IL27RA: variants seen among roughly 807,000 people sequenced by gnomAD.
IL27RA encodes the protein interleukin 27 receptor subunit alpha.
In IL27RA, 61 loss-of-function variants were observed where a neutral mutation model predicts 80.8. The observed-to-expected ratio is 0.76, with a 90% CI of 0.61 to 0.93. The LOEUF is 0.93. IL27RA is among the 40% of genes least tolerant of loss of function. IL27RA has a pLI of 0.00. For missense variants in IL27RA, 735 were observed against 808.1 expected (o/e 0.91, Z 1.10); for synonymous variants, 316 against 332.5 (o/e 0.95, Z 0.54).
intron 4 of IL27RA, among the ~76,000 whole-genome samples, chr19:14,040,278 C>T (rs1252378652): frequency 6.6e-6 from 1 of 151,936 alleles, no homozygotes; most frequent in Non-Finnish European, 1.5e-5. Flanking sequence ...AGGGGAATCA[C>T]TGGAACCCGA....
intron 2 of IL27RA, among the ~76,000 whole-genome samples, chr19:14,033,080 A>G (rs893792112): frequency 2.7e-5 from 4 of 147,040 alleles, no homozygotes; most frequent in African/African-American, 7.6e-5. Flanking sequence ...TCAGAGTTTT[A>G]GAGAGCCCGT....
intron 6 of IL27RA, among the ~76,000 whole-genome samples, chr19:14,043,548 C>G (rs1209331342): frequency 6.6e-6 from 1 of 151,108 alleles, no homozygotes; most frequent in Admixed American, 6.6e-5. Flanking sequence ...CTCAGCCTCC[C>G]AAGTAGCTGG....
chr19:14,052,930 AAC>A lies in IL27RA; in HGVS notation c.*643_*644del, dbSNP rs1411312781. 6.6e-6 allele frequency: 1 copy of A among 152,062 alleles called. No individual in the cohort carries two copies. Among genetic ancestry groups the A allele is most frequent in the Admixed American group, 6.6e-5 (1 of 15,266 alleles). The allele number at this position is 152,062 out of a possible 1,614,324, so 9.4% of individuals were successfully genotyped here. A position where few individuals can be genotyped will look rare whatever the true frequency, so the allele number is the denominator to read the frequency against. Reference sequence around the variant, plus strand: ...AAAAAAAAAAAAAAAGAAAAGAAAAAACACTGCATTTGGGCACCATCTCAGCT... The same window carrying A: ...AAAAAAAAAAAAAAAGAAAAGAAAAAACTGCATTTGGGCACCATCTCAGCT... On this transcript the variant is annotated 3_prime_UTR_variant, in exon 14 of 14. Coordinates refer to ENST00000263379, the MANE Select transcript of IL27RA (RefSeq NM_004843.4).
Position 14,031,820 on chromosome 19 carries a change from G to C in IL27RA, c.-53G>C. 6.9e-7 allele frequency: 1 copy of C among 1,452,088 alleles called. No individual in the cohort carries two copies. Among genetic ancestry groups the C allele is most frequent in the Middle Eastern group, 2.3e-4 (1 of 4,388 alleles). The allele number at this position is 1,452,088 out of a possible 1,614,324, so 90.0% of individuals were successfully genotyped here. A position where few individuals can be genotyped will look rare whatever the true frequency, so the allele number is the denominator to read the frequency against. ...CCCAGAGCTCGAAGAGGAGCAGCGCGGCCGCGCGGACCCGGCAAGGCTGGG... is the reference window on the plus strand; with the variant it reads ...CCCAGAGCTCGAAGAGGAGCAGCGCCGCCGCGCGGACCCGGCAAGGCTGGG... On this transcript the variant is annotated 5_prime_UTR_variant, in exon 1 of 14. Transcript: ENST00000263379.
rs765838551 is a variant in IL27RA at position 14,039,507 on chromosome 19, G to A, written c.219-1G>A. 3 of 1,611,500 alleles carry A rather than the reference G, an allele frequency of 1.9e-6. No homozygotes were observed. Among genetic ancestry groups the A allele is most frequent in the South Asian group, 1.1e-5 (1 of 90,670 alleles). On this transcript the variant is annotated splice_acceptor_variant, in intron 2 of 13. Coordinates refer to ENST00000263379, the MANE Select transcript of IL27RA (RefSeq NM_004843.4). LOFTEE classifies it high-confidence loss of function. ...TCTCATCCCCGCCTCTCTCCTCACA[G>A]CCGTTCCAACAAAACCCAGACTGTG...
chr19:14,038,906 G>C (rs1479696005), intron 2 of IL27RA, among the ~76,000 whole-genome samples: 1 of 150,284 alleles, frequency 6.7e-6, no homozygotes, highest in African/African-American at 2.5e-5. Flanking sequence ...AAAAGAGAGA[G>C]AGAAAGCAAG....
At chr19:14,047,652 T>C (rs1372824972) in intron 8 of IL27RA, among the ~76,000 whole-genome samples, 1 of 140,766 alleles carries the variant, frequency 7.1e-6, no homozygotes, top group African/African-American at 2.7e-5. Flanking sequence ...CCACCATGCC[T>C]GGCCCTTTTT....
intron 2 of IL27RA, among the ~76,000 whole-genome samples, chr19:14,038,536 C>T (rs1975938280): frequency 7.0e-6 from 1 of 143,260 alleles, no homozygotes; most frequent in Admixed American, 7.2e-5. Context: ...TATGATCGCA[C>T]TGCTCCAGTT....
At chr19:14,036,613 C>T (rs1030433153) in intron 2 of IL27RA, among the ~76,000 whole-genome samples, 4 of 149,376 alleles carry the variant, frequency 2.7e-5, no homozygotes, top group African/African-American at 9.9e-5. Context: ...CTCAGCCTCC[C>T]GAGTAGCTGA....
At chr19:14,032,602 A>G (rs1975835718) in intron 2 of IL27RA, 99 bp downstream of exon 2, 7 of 596,474 alleles carry the variant, frequency 1.2e-5, no homozygotes, top group African/African-American at 2.0e-5. Flanking sequence ...AAGCCTGGCC[A>G]ACATGGTGAA....
intron 10 of IL27RA, among the ~76,000 whole-genome samples, chr19:14,049,800 G>A (rs755128705): frequency 9.2e-5 from 14 of 151,660 alleles, no homozygotes; most frequent in Non-Finnish European, 1.6e-4. Context: ...GACTGATCTC[G>A]AACTCCTGAC....
intron 8 of IL27RA, among the ~76,000 whole-genome samples, chr19:14,048,285 TAAA>T (rs776089748): frequency 0.14 from 20,640 of 149,844 alleles, 1,554 homozygotes; most frequent in East Asian, 0.27. Flanking sequence ...AATAAATAAA[TAAA>T]TAAATTAATT....
intron 4 of IL27RA, among the ~76,000 whole-genome samples, chr19:14,041,710 A>G (rs1173585152): frequency 1.3e-5 from 2 of 152,174 alleles, no homozygotes; most frequent in Non-Finnish European, 2.9e-5. Context: ...TTTTTTTGAC[A>G]GGCCCATGTT....
At chr19:14,044,655 C>T (rs1976037922) in intron 6 of IL27RA, among the ~76,000 whole-genome samples, 1 of 151,792 alleles carries the variant, frequency 6.6e-6, no homozygotes, top group Admixed American at 6.6e-5. Context: ...GGTAGGGTCA[C>T]ACAGGTGCAG....
intron 4 of IL27RA, among the ~76,000 whole-genome samples, chr19:14,040,126 G>A (rs1157674336): frequency 6.6e-6 from 1 of 152,088 alleles, no homozygotes; most frequent in Non-Finnish European, 1.5e-5. Context: ...CACTTTGGGA[G>A]GCTGAGGGGG....
In IL27RA at chr19:14,031,975, G is replaced by T; in HGVS notation, c.100+3G>T. 2 of 1,606,736 alleles carry T rather than the reference G, an allele frequency of 1.2e-6. No individual in the cohort carries two copies. Among genetic ancestry groups the T allele is most frequent in the Non-Finnish European group, 1.7e-6 (2 of 1,176,294 alleles). ...TTTCCAGCGGACGCGTCCCCAGGGT[G>T]AGTGCTGGAGGGAGCTCGTGTCCCG... On this transcript the variant is annotated splice_donor_region_variant and intron_variant, in intron 1 of 13. Transcript: ENST00000263379.
rs1976166871 is a variant in IL27RA, at chr19:14,051,656, C to T, written c.1578C>T (p.Gly526=). ...KVLPGILFLW[G]LFLLGCGLSL... ...TGCCGGGCATCCTATTCTTGTGGGGCTTGTTCCTGTTGGGGTGTGGCCTGA... is the reference window on the plus strand; with the variant it reads ...TGCCGGGCATCCTATTCTTGTGGGGTTTGTTCCTGTTGGGGTGTGGCCTGA... Residue 526 remains glycine, a synonymous_variant, in exon 12 of 14, where the codon GGC becomes GGT. Coordinates refer to ENST00000263379, the MANE Select transcript of IL27RA (RefSeq NM_004843.4). 4.3e-6 allele frequency: 7 copies of T among 1,613,318 alleles called. No individual in the cohort carries two copies. The East Asian group carries it at 8.9e-5, about 21-fold the overall frequency.
chr19:14,046,091 G>A, intron 6 of IL27RA, 63 bp from the exon 7 acceptor site: 2 of 1,480,448 alleles, frequency 1.4e-6, no homozygotes, highest in South Asian at 2.5e-5. Flanking sequence ...GTGACCTCAG[G>A]GAGACACATA....
At position 14,031,919 on chromosome 19, in the gene IL27RA, A is replaced by G. The variant is rs765266274; in HGVS notation, c.47A>G (p.Lys16Arg). ...GAPFWLWPLP[K>R]LALLPLLWVL... ...CCTTTCTGGCTGTGGCCGCTGCCCA[A>G]GCTGGCGCTGCTGCCTCTGTTGTGG... Residue 16 changes from lysine to arginine, a missense_variant, in exon 1 of 14, where the codon AAG becomes AGG. By Grantham distance (26) the Lys-to-Arg change is conservative. Coordinates refer to ENST00000263379, the MANE Select transcript of IL27RA (RefSeq NM_004843.4). 1.9e-6 allele frequency: 3 copies of G among 1,608,680 alleles called. No homozygotes were observed. Among genetic ancestry groups the G allele is most frequent in the Admixed American group, 3.4e-5 (2 of 59,572 alleles).
Sources: gnomAD v4.1 joint callset for allele counts (sites outside exome capture counted in the v4.1 genomes callset) on GRCh38, gnomAD v4.1.1 for gene constraint, MANE v1.5 for transcripts, NCBI Gene and HGNC (gene_info 2026-07-23, HGNC 2026-07-21) for gene names.